USH2A: variants seen among roughly 807,000 people sequenced by gnomAD.
USH2A encodes the protein usherin.
In USH2A, 443 loss-of-function variants were observed where a neutral mutation model predicts 538.9. The observed-to-expected ratio is 0.82, with a 90% CI of 0.76 to 0.89. USH2A has a LOEUF of 0.89. USH2A is among the 40% of genes least tolerant of loss of function. USH2A has a pLI of 0.00. For missense variants in USH2A, 6,633 were observed against 6,324.8 expected (o/e 1.05, Z -1.65); for synonymous variants, 2,413 against 2,273.5 (o/e 1.06, Z -1.75).
In USH2A at chr1:215,907,805, A is replaced by G. The variant is rs139516108; in HGVS notation, c.7301-6900T>C. Among the ~76,000 whole-genome samples the G allele has an allele frequency of 3.6e-3, 542 of 152,126 alleles. 2 individuals are homozygous for G. The highest frequency in any genetic ancestry group is 6.2e-3 in the Non-Finnish European group (422 of 67,964). On this transcript the variant is annotated intron_variant, in intron 38 of 71. Coordinates refer to ENST00000307340, the MANE Select transcript of USH2A (RefSeq NM_206933.4). ...TGCCCAACACAGTGCTTTGTCTAGG[A>G]AAGATCCTATAAAAACTGGATGAAT... is the stretch of plus-strand genomic sequence containing the variant.
At chr1:216,210,173 T>TA (rs983401740) in intron 15 of USH2A, among the ~76,000 whole-genome samples, 11 of 151,942 alleles carry the variant, frequency 7.2e-5, no homozygotes, top group East Asian at 1.9e-4. Flanking sequence ...TTTTTTTTTT[T>TA]AAATCACATT....
chr1:215,848,678 G>T (rs1431437507), intron 44 of USH2A, among the ~76,000 whole-genome samples: 1 of 152,182 alleles, frequency 6.6e-6, no homozygotes, highest in African/African-American at 2.4e-5. Flanking sequence ...GCACTTCTGG[G>T]TAACAAGTAC....
At chr1:215,709,333 T>G (rs1256301231) in intron 61 of USH2A, among the ~76,000 whole-genome samples, 5 of 152,214 alleles carry the variant, frequency 3.3e-5, no homozygotes, top group African/African-American at 1.2e-4. Context: ...ACATATTTTA[T>G]AATTTACAAA....
At chr1:216,419,395 G>A (rs1571802588) in intron 2 of USH2A, among the ~76,000 whole-genome samples, 1 of 152,098 alleles carries the variant, frequency 6.6e-6, no homozygotes. Context: ...CAGGTCTTGT[G>A]TCAGGGCAGT....
In USH2A at chr1:216,321,939, T is replaced by C. The variant is rs2037620114; in HGVS notation, c.1588A>G (p.Thr530Ala). 1 of 1,613,800 alleles carries C rather than the reference T, an allele frequency of 6.2e-7. No individual in the cohort carries two copies. The highest frequency in any genetic ancestry group is 2.2e-5 in the East Asian group (1 of 44,862). Reference sequence around the variant, plus strand: ...CAGAGGCATCTATATGGCTGGCTTGTTGTGTCGCAGTTATCGGCATGACCA... The same window carrying C: ...CAGAGGCATCTATATGGCTGGCTTGCTGTGTCGCAGTTATCGGCATGACCA... Reference protein sequence around the residue: ...CHGHADNCDTTSQPYRCLCSQ... With the variant: ...CHGHADNCDTASQPYRCLCSQ... The change falls in exon 9 of 72, where the codon ACA (threonine) becomes GCA (alanine). Residue 530 changes from threonine to alanine, a missense_variant. Coordinates refer to ENST00000307340, the MANE Select transcript of USH2A (RefSeq NM_206933.4).
At position 215,981,032 on chromosome 1, in the gene USH2A, C is replaced by A. The variant is rs73092476; in HGVS notation, c.6806-10256G>T. ...TGCTCATCTCTTTTTGAAAGTATGT[C>A]AATTCTAGTGTACATGTGAGTCCAT... On this transcript the variant is annotated intron_variant, in intron 35 of 71. Coordinates refer to ENST00000307340, the MANE Select transcript of USH2A (RefSeq NM_206933.4). Among the ~76,000 whole-genome samples the A allele has an allele frequency of 2.6e-3, 402 of 152,170 alleles. 2 individuals are homozygous for A. The highest frequency in any genetic ancestry group is 9.1e-3 in the African/African-American group (380 of 41,538).
chr1:216,267,969 T>C (rs1303544624), intron 11 of USH2A, among the ~76,000 whole-genome samples: 1 of 152,146 alleles, frequency 6.6e-6, no homozygotes, highest in African/African-American at 2.4e-5. Flanking sequence ...ACAACCCTTT[T>C]GAACACTTAC....
chr1:215,842,133 G>C (rs1468306345), intron 46 of USH2A, among the ~76,000 whole-genome samples: 1 of 152,128 alleles, frequency 6.6e-6, no homozygotes, highest in Non-Finnish European at 1.5e-5. Flanking sequence ...ATACCAGCCT[G>C]GTCAACATGG....
At chr1:216,132,333 G>C (rs2033393172) in intron 21 of USH2A, among the ~76,000 whole-genome samples, 1 of 151,858 alleles carries the variant, frequency 6.6e-6, no homozygotes, top group South Asian at 2.1e-4. Flanking sequence ...ACTCATTGGA[G>C]GCCAGAAATA....
chr1:215,640,607 C>T lies in USH2A; in HGVS notation c.14919G>A (p.Val4973=). 6.2e-7 allele frequency: 1 copy of T among 1,613,904 alleles called. No individual in the cohort carries two copies. The highest frequency in any genetic ancestry group is 1.7e-5 in the Admixed American group (1 of 59,994). The part of the protein sequence containing the change: ...EYVLTDGGRR[V]YSGLDTTLYI... ...AGAGGGTGGTGTCCAAGCCGCTGTACACGCGTCGCCCTCCGTCGGTTAACA... is the reference window on the plus strand; with the variant it reads ...AGAGGGTGGTGTCCAAGCCGCTGTATACGCGTCGCCCTCCGTCGGTTAACA... Residue 4973 remains valine, a synonymous_variant, in exon 68 of 72, where the codon GTG becomes GTA. Transcript: ENST00000307340.
intron 30 of USH2A, among the ~76,000 whole-genome samples, chr1:216,060,874 C>A (rs149882213): frequency 4.4e-4 from 67 of 152,292 alleles, no homozygotes; most frequent in African/African-American, 1.5e-3. Flanking sequence ...TGAGGGGAAA[C>A]GCCAGTCCTG....
intron 61 of USH2A, among the ~76,000 whole-genome samples, chr1:215,707,675 ACAGT>A (rs974132070): frequency 3.9e-5 from 6 of 152,222 alleles, no homozygotes; most frequent in African/African-American, 1.4e-4. Flanking sequence ...GGTTAAATCC[ACAGT>A]CAAATTATGT....
At position 215,759,732 on chromosome 1, in the gene USH2A, T is replaced by C. The variant is rs563446526; in HGVS notation, c.11159A>G (p.Asn3720Ser). The change falls in exon 57 of 72, where the codon AAT becomes AGT. Residue 3720 changes from asparagine (N) to serine (S), a missense_variant. Coordinates refer to ENST00000307340, the MANE Select transcript of USH2A (RefSeq NM_206933.4). ...GCCACCCAGGAAAAGCAAGTTTCCA[T>C]TACGACTCAATTGATATTGAGAAAC... ...GLVSQYQLSR[N>S]GNLLFLGGSE... 5.6e-6 allele frequency: 9 copies of C among 1,614,100 alleles called. No individual in the cohort carries two copies. In the South Asian group the frequency reaches 7.7e-5, roughly 14 times the overall value.
intron 30 of USH2A, among the ~76,000 whole-genome samples, chr1:216,056,803 T>TGTGA (rs925742039): frequency 2.6e-5 from 4 of 151,106 alleles, no homozygotes; most frequent in Admixed American, 6.6e-5. Context: ...TGTGTGTGTG[T>TGTGA]GAGAGAGAGA....
intron 3 of USH2A, among the ~76,000 whole-genome samples, chr1:216,379,718 T>C (rs1001885206): frequency 2.6e-5 from 4 of 152,154 alleles, no homozygotes; most frequent in African/African-American, 7.2e-5. Context: ...ATCCAACCAT[T>C]ACATCAATTG....
At chr1:216,314,518 G>A (rs2037473901) in intron 9 of USH2A, among the ~76,000 whole-genome samples, 1 of 151,984 alleles carries the variant, frequency 6.6e-6, no homozygotes, top group Non-Finnish European at 1.5e-5. Flanking sequence ...GGTAAAGCCT[G>A]ATATATAATA....
At chr1:215,718,860 A>G (rs1659571180) in intron 61 of USH2A, among the ~76,000 whole-genome samples, 1 of 152,226 alleles carries the variant, frequency 6.6e-6, no homozygotes, top group South Asian at 2.1e-4. Context: ...GCTAAATGGC[A>G]TATATTCTGA....
rs985554912 is a variant in USH2A, at chr1:216,259,400, C to T, written c.1972-8302G>A. On this transcript the variant is annotated intron_variant, in intron 11 of 71. Coordinates refer to ENST00000307340, the MANE Select transcript of USH2A (RefSeq NM_206933.4). ...TCAATTGAAATGGAATATTTCATCTCGGTCTAGGTTACCACTAGAAGATGT... is the reference window on the plus strand; with the variant it reads ...TCAATTGAAATGGAATATTTCATCTTGGTCTAGGTTACCACTAGAAGATGT... Among the ~76,000 whole-genome samples, 10 of 152,010 alleles carry T rather than the reference C, an allele frequency of 6.6e-5. No homozygotes were observed. The East Asian group carries it at 1.3e-3, about 21-fold the overall frequency.
At chr1:216,103,515 G>T (rs1425532035) in intron 21 of USH2A, among the ~76,000 whole-genome samples, 2 of 152,052 alleles carry the variant, frequency 1.3e-5, no homozygotes, top group Non-Finnish European at 2.9e-5. Context: ...AAGAAATCAA[G>T]AACTAATACA....
Sources: allele counts gnomAD v4.1 joint callset (sites outside exome capture counted in the v4.1 genomes callset), GRCh38; gene constraint gnomAD v4.1.1; transcripts MANE v1.5; gene names NCBI Gene and HGNC (gene_info 2026-07-23, HGNC 2026-07-21).